Variants in CNTN4 observed in about 807,000 individuals in gnomAD.
The protein encoded by CNTN4 is contactin 4.
CNTN4 carries 77 observed loss-of-function variants against 122.5 expected under a neutral mutation model. The observed-to-expected ratio is 0.63, with a 90% CI of 0.52 to 0.76. The LOEUF is 0.76. Among genes scored for constraint, CNTN4 ranks in the 30% least tolerant of loss-of-function variants. CNTN4 has a pLI of 0.00. For missense variants in CNTN4, 1,256 were observed against 1,259.1 expected (o/e 1.00, Z 0.04); for synonymous variants, 512 against 447.0 (o/e 1.15, Z -1.83).
At chr3:2,182,967 G>A (rs780907810) in intron 2 of CNTN4, among the ~76,000 whole-genome samples, 8 of 151,954 alleles carry the variant, frequency 5.3e-5, no homozygotes, top group Non-Finnish European at 1.0e-4. Flanking sequence ...CTATAAAAAT[G>A]CTGGATGAAA....
intron 17 of CNTN4, among the ~76,000 whole-genome samples, chr3:3,034,991 C>A (rs1699477134): frequency 6.6e-6 from 1 of 151,978 alleles, no homozygotes; most frequent in Non-Finnish European, 1.5e-5. Flanking sequence ...TTAAACTCAT[C>A]CTAAGCAATA....
Position 2,335,057 on chromosome 3 carries a change from G to T in CNTN4, c.-144-4121G>T, listed in dbSNP as rs369319698. 1.1e-3 allele frequency among the ~76,000 whole-genome samples: 174 copies of T among 152,262 alleles called. 1 individual carries two copies. Among genetic ancestry groups the T allele is most frequent in the African/African-American group, 4.0e-3 (166 of 41,564 alleles). ...CTGAGAAGCTCTGCAGTCATTCATG[G>T]ATTTCTGGTTCCTTTGTTGTAAAAT... On this transcript the variant is annotated intron_variant, in intron 2 of 24. Coordinates refer to ENST00000418658, the MANE Select transcript of CNTN4 (RefSeq NM_175607.3).
chr3:2,197,025 A>G (rs1167065222), intron 2 of CNTN4, among the ~76,000 whole-genome samples: 1 of 150,026 alleles, frequency 6.7e-6, no homozygotes, highest in East Asian at 2.0e-4. Flanking sequence ...AGCTTGGGCA[A>G]CAAGAGCGAA....
intron 3 of CNTN4, among the ~76,000 whole-genome samples, chr3:2,435,214 C>T (rs1420833655): frequency 1.3e-5 from 2 of 152,274 alleles, no homozygotes; most frequent in South Asian, 4.1e-4. Context: ...TAAATACAGT[C>T]ATCCCTCAGT....
intron 4 of CNTN4, among the ~76,000 whole-genome samples, chr3:2,627,613 C>T (rs1477283562): frequency 6.6e-6 from 1 of 151,536 alleles, no homozygotes; most frequent in Non-Finnish European, 1.5e-5. Context: ...CCTGCTTCAG[C>T]CTCCCGAGTA....
intron 4 of CNTN4, among the ~76,000 whole-genome samples, chr3:2,681,775 A>G (rs1400830497): frequency 6.6e-6 from 1 of 152,118 alleles, no homozygotes; most frequent in Non-Finnish European, 1.5e-5. Flanking sequence ...AGGTGATTAT[A>G]TAAACTCTCT....
At chr3:2,596,339 G>A (rs1202441781) in intron 4 of CNTN4, among the ~76,000 whole-genome samples, 4 of 152,076 alleles carry the variant, frequency 2.6e-5, no homozygotes, top group Non-Finnish European at 4.4e-5. Context: ...TATACATTAA[G>A]CATATTTATT....
intron 4 of CNTN4, among the ~76,000 whole-genome samples, chr3:2,701,039 A>G (rs1162879124): frequency 1.3e-5 from 2 of 152,284 alleles, no homozygotes; most frequent in East Asian, 1.9e-4. Flanking sequence ...CAGTGTTTTC[A>G]CCACTGATTT....
chr3:2,826,153 T>A (rs923923017), intron 7 of CNTN4, among the ~76,000 whole-genome samples: 2 of 152,150 alleles, frequency 1.3e-5, no homozygotes, highest in African/African-American at 4.8e-5. Flanking sequence ...CCCTTTTATT[T>A]GTATATAGCA....
At chr3:2,477,746 T>C (rs1192679841) in intron 3 of CNTN4, among the ~76,000 whole-genome samples, 1 of 152,224 alleles carries the variant, frequency 6.6e-6, no homozygotes, top group Non-Finnish European at 1.5e-5. Context: ...GATTGGTTTA[T>C]TTTCGCTCTA....
intron 2 of CNTN4, among the ~76,000 whole-genome samples, chr3:2,204,248 A>G (rs1180283139): frequency 1.3e-5 from 2 of 152,176 alleles, no homozygotes; most frequent in African/African-American, 2.4e-5. Flanking sequence ...TGACATATTC[A>G]TTACTCAGCA....
intron 4 of CNTN4, among the ~76,000 whole-genome samples, chr3:2,688,796 GC>G (rs2085571707): frequency 6.6e-6 from 1 of 152,188 alleles, no homozygotes; most frequent in African/African-American, 2.4e-5. Flanking sequence ...CACTGGGAAT[GC>G]ATGGAGCCAT....
At chr3:2,183,994 C>G (rs1477892687) in intron 2 of CNTN4, among the ~76,000 whole-genome samples, 1 of 151,404 alleles carries the variant, frequency 6.6e-6, no homozygotes, top group South Asian at 2.1e-4. Flanking sequence ...TTTTTTGAGA[C>G]GTGGTCTCGC....
At chr3:2,932,621 T>C (rs2094531347) in intron 13 of CNTN4, among the ~76,000 whole-genome samples, 2 of 152,030 alleles carry the variant, frequency 1.3e-5, no homozygotes, top group Non-Finnish European at 1.5e-5. Flanking sequence ...TCTTAATCGG[T>C]AGAGGTTTAT....
intron 4 of CNTN4, among the ~76,000 whole-genome samples, chr3:2,612,861 C>G (rs2081558894): frequency 6.6e-6 from 1 of 152,094 alleles, no homozygotes; most frequent in Non-Finnish European, 1.5e-5. Context: ...ATGGCATCAG[C>G]AATTTCTCAC....
chr3:2,918,852 C>G (rs2094397145), intron 12 of CNTN4, among the ~76,000 whole-genome samples: 2 of 152,158 alleles, frequency 1.3e-5, no homozygotes, highest in Non-Finnish European at 2.9e-5. Context: ...ATTCATAACC[C>G]TATATGAAGG....
chr3:2,751,621 G>A (rs562968161), intron 6 of CNTN4, among the ~76,000 whole-genome samples: 20 of 152,168 alleles, frequency 1.3e-4, no homozygotes, highest in African/African-American at 4.1e-4. Flanking sequence ...TTAACGAAGG[G>A]GATGTTTCCA....
chr3:2,769,508 C>A (rs1444879573), intron 6 of CNTN4, among the ~76,000 whole-genome samples: 2 of 150,748 alleles, frequency 1.3e-5, no homozygotes, highest in African/African-American at 2.4e-5. Context: ...AGTGTTTAGT[C>A]AATTAAAGGA....
At chr3:2,573,220 T>C (rs764280784) in intron 4 of CNTN4, among the ~76,000 whole-genome samples, 5 of 152,366 alleles carry the variant, frequency 3.3e-5, no homozygotes, top group Middle Eastern at 3.4e-3. Context: ...TCATTCTTCC[T>C]ATGTTTTTCT....
Sources: gnomAD v4.1 joint callset for allele counts (sites outside exome capture counted in the v4.1 genomes callset) on GRCh38, gnomAD v4.1.1 for gene constraint, MANE v1.5 for transcripts, NCBI Gene and HGNC (gene_info 2026-07-23, HGNC 2026-07-21) for gene names.